Variants in MAML1 observed in about 807,000 individuals in gnomAD.
The protein encoded by MAML1 is mastermind like transcriptional coactivator 1.
MAML1 carries 14 observed loss-of-function variants against 77.1 expected under a neutral mutation model. The observed-to-expected ratio is 0.18, with a 90% CI of 0.12 to 0.28. MAML1 has a LOEUF of 0.28. Among genes scored for constraint, MAML1 ranks in the 10% least tolerant of loss-of-function variants. MAML1 has a pLI of 1.00. For missense variants in MAML1, 1,217 were observed against 1,327.8 expected, an observed-to-expected ratio of 0.92 and a Z score of 1.30; for synonymous variants, 516 against 551.9, an observed-to-expected ratio of 0.93 and a Z score of 0.91.
chr5:179,765,996 C>T lies in MAML1; in HGVS notation c.986C>T (p.Pro329Leu). The change falls in exon 2 of 5, where the codon CCT becomes CTT. Residue 329 changes from proline (P) to leucine (L), a missense_variant. Physicochemically the swap from Pro to Leu is moderately conservative, Grantham distance 98 (BLOSUM62 -3). Around this residue, in one of 3 missense-constraint regions of MAML1, gnomAD observed 884 missense variants for 949.3 expected, o/e 0.93. Transcript: ENST00000292599. ...AGSAGQTFLG[P>L]SSAPVSTDSP... Reference sequence around the variant, plus strand: ...TCTGCAGGGCAGACCTTTCTGGGGCCTTCCTCTGCCCCTGTGAGTACAGAT... The same window carrying T: ...TCTGCAGGGCAGACCTTTCTGGGGCTTTCCTCTGCCCCTGTGAGTACAGAT... 1.2e-6 allele frequency: 2 copies of T among 1,608,926 alleles called. No homozygotes were observed. Among genetic ancestry groups the T allele is most frequent in the Middle Eastern group, 1.7e-4 (1 of 6,016 alleles).
chr5:179,739,399 GAAAAAT>G (rs1365946122), intron 1 of MAML1, among the ~76,000 whole-genome samples: 2 of 151,924 alleles, frequency 1.3e-5, no homozygotes, highest in South Asian at 2.1e-4. Flanking sequence ...GAATAGAATA[GAAAAAT>G]AAAAATAAAA....
At chr5:179,744,344 C>T (rs1779340928) in intron 1 of MAML1, among the ~76,000 whole-genome samples, 1 of 151,978 alleles carries the variant, frequency 6.6e-6, no homozygotes, top group Non-Finnish European at 1.5e-5. Context: ...TGCCACCACG[C>T]CTGTCTTAAT....
At chr5:179,761,299 C>T (rs992407291) in intron 1 of MAML1, among the ~76,000 whole-genome samples, 1 of 151,960 alleles carries the variant, frequency 6.6e-6, no homozygotes, top group African/African-American at 2.4e-5. Context: ...GAGGCTGAGG[C>T]GGGAGGATCA....
At chr5:179,748,347 G>A (rs1779421618) in intron 1 of MAML1, among the ~76,000 whole-genome samples, 1 of 152,110 alleles carries the variant, frequency 6.6e-6, no homozygotes, top group Non-Finnish European at 1.5e-5. Context: ...CTCTCAAAGT[G>A]CTGGGATTAC....
In MAML1 at chr5:179,775,524, A is replaced by G. The variant is rs1756118619; in HGVS notation, c.*647A>G. 1 of 985,310 alleles carries G rather than the reference A, an allele frequency of 1.0e-6. No homozygotes were observed. The highest frequency in any genetic ancestry group is 1.2e-6 in the Non-Finnish European group (1 of 829,896). 61.0% of individuals were successfully genotyped at this position (985,310 alleles called of 1,614,324 possible). On this transcript the variant is annotated 3_prime_UTR_variant, in exon 5 of 5. Transcript: ENST00000292599. ...GTGCAGGCTGTTGACTGCGTATGCC[A>G]AAAAGGGACAGGAGGCATGGGATAG... is the stretch of plus-strand genomic sequence containing the variant.
Position 179,769,956 on chromosome 5 carries a change from A to T in MAML1, c.1971+867A>T, listed in dbSNP as rs552835422. 1.2e-4 allele frequency among the ~76,000 whole-genome samples: 18 copies of T among 152,330 alleles called. No individual in the cohort carries two copies. The highest frequency in any genetic ancestry group is 2.2e-4 in the Non-Finnish European group (15 of 68,026). ...CTTTAAGAAAAGCAGCTTTATTGTG[A>T]TGTAACTCACACAGCATACACTTCA... On this transcript the variant is annotated intron_variant, in intron 3 of 4. Transcript: ENST00000292599. The surrounding 1 kb of genome is among the most constrained non-coding windows in gnomAD (Gnocchi z 4.2).
At chr5:179,765,305 A>G in intron 1 of MAML1, 21 bp from the exon 2 acceptor site, 1 of 1,559,482 alleles carries the variant, frequency 6.4e-7, no homozygotes, top group East Asian at 2.2e-5. Flanking sequence ...ATCTTAAGTC[A>G]TTCTTTTCAA....
intron 1 of MAML1, among the ~76,000 whole-genome samples, chr5:179,749,296 T>G (rs907059005): frequency 6.6e-6 from 1 of 152,160 alleles, no homozygotes; most frequent in African/African-American, 2.4e-5. Flanking sequence ...CTGGATAATG[T>G]TGTGTTTTTA....
chr5:179,775,022 T>G lies in MAML1; in HGVS notation c.*145T>G. On this transcript the variant is annotated 3_prime_UTR_variant, in exon 5 of 5. Transcript: ENST00000292599. ...CCAAGCTCCAGGTGAGGCCTGGCCC[T>G]GGGCAGGGTCTGTGGCTGCGCCCCT... The G allele has an allele frequency of 6.9e-7, 1 of 1,455,088 alleles. No individual in the cohort carries two copies. Among genetic ancestry groups the G allele is most frequent in the Non-Finnish European group, 9.0e-7 (1 of 1,110,842 alleles). 90.1% of individuals were successfully genotyped at this position (1,455,088 alleles called of 1,614,324 possible).
intron 2 of MAML1, among the ~76,000 whole-genome samples, chr5:179,767,685 G>C (rs969102731): frequency 1.3e-5 from 2 of 152,184 alleles, no homozygotes; most frequent in Non-Finnish European, 2.9e-5. Flanking sequence ...CCTGAAGAGA[G>C]GCTCAGCTGC....
chr5:179,773,821 G>T, intron 4 of MAML1, 74 bp from the exon 5 acceptor site: 3 of 1,533,064 alleles, frequency 2.0e-6, no homozygotes, highest in Non-Finnish European at 2.6e-6. Flanking sequence ...GAGACTTCTG[G>T]TGCTGCGGCT....
chr5:179,761,089 G>A (rs558695064), intron 1 of MAML1, among the ~76,000 whole-genome samples: 456 of 30,382 alleles, frequency 0.015, 2 homozygotes, highest in African/African-American at 0.043. Flanking sequence ...GCGAGTCTCC[G>A]TCTCAAAAAA....
chr5:179,757,802 A>G (rs901504381), intron 1 of MAML1, among the ~76,000 whole-genome samples: 1 of 152,216 alleles, frequency 6.6e-6, no homozygotes, highest in African/African-American at 2.4e-5. Context: ...ACAAGAATCA[A>G]TCTATTTAAC....
At chr5:179,733,887 C>T (rs1242754202) in intron 1 of MAML1, among the ~76,000 whole-genome samples, 1 of 152,170 alleles carries the variant, frequency 6.6e-6, no homozygotes, top group Admixed American at 6.5e-5. Context: ...ATAAGTCGGC[C>T]TTTGGTTGAC....
intron 1 of MAML1, among the ~76,000 whole-genome samples, chr5:179,751,423 G>A (rs1779487700): frequency 6.6e-6 from 1 of 151,998 alleles, no homozygotes; most frequent in Non-Finnish European, 1.5e-5. Flanking sequence ...AGATTTTTTT[G>A]GTGCACTCAC....
chr5:179,738,840 G>C (rs1414520378), intron 1 of MAML1, among the ~76,000 whole-genome samples: 1 of 151,648 alleles, frequency 6.6e-6, no homozygotes, highest in Non-Finnish European at 1.5e-5. Flanking sequence ...GAGTGCAGTG[G>C]CACCATTATG....
intron 1 of MAML1, among the ~76,000 whole-genome samples, chr5:179,742,511 C>A (rs867830441): frequency 4.1e-5 from 6 of 147,414 alleles, no homozygotes; most frequent in East Asian, 2.1e-4. Context: ...AAAAAAAAAA[C>A]CAACATTTTT....
chr5:179,763,704 C>T (rs969350294), intron 1 of MAML1, among the ~76,000 whole-genome samples: 4 of 152,122 alleles, frequency 2.6e-5, no homozygotes, highest in South Asian at 2.1e-4. Flanking sequence ...CCAGGCAGGA[C>T]GCCCAGGCCA....
intron 4 of MAML1, among the ~76,000 whole-genome samples, chr5:179,773,317 G>A (rs141451648): frequency 9.3e-4 from 141 of 152,370 alleles, no homozygotes; most frequent in Non-Finnish European, 1.9e-3. Context: ...TCCCCACACA[G>A]ATGCCTTTTT....
Sources: gnomAD v4.1 joint callset for allele counts (sites outside exome capture counted in the v4.1 genomes callset) on GRCh38, gnomAD v4.1.1 for gene constraint, gnomAD v4.1.1 regional missense constraint, Gnocchi (gnomAD v3.1) non-coding constraint, MANE v1.5 for transcripts, NCBI Gene and HGNC (gene_info 2026-07-23, HGNC 2026-07-21) for gene names.